CASS4: variants seen among roughly 807,000 people sequenced by gnomAD.
The protein encoded by CASS4 is cas scaffolding protein family member 4.
In CASS4, 22 loss-of-function variants were observed where a neutral mutation model predicts 54.2. The ratio of observed to expected loss-of-function variants is 0.41; its 90% CI spans 0.29 to 0.58. The LOEUF is 0.58. Among genes scored for constraint, CASS4 ranks in the 20% least tolerant of loss-of-function variants. CASS4 has a pLI of 0.36. For synonymous variants in CASS4, 409 were observed against 391.5 expected (o/e 1.04, Z -0.53); for missense variants, 854 against 986.7 (o/e 0.87, Z 1.80).
chr20:56,448,994 CTT>C (rs1980861630), intron 3 of CASS4, among the ~76,000 whole-genome samples: 2 of 152,126 alleles, frequency 1.3e-5, no homozygotes, highest in Non-Finnish European at 2.9e-5. Flanking sequence ...AATAGGAACA[CTT>C]TTACACTGTT....
chr20:56,458,035 A>C (rs1981383295), intron 5 of CASS4, among the ~76,000 whole-genome samples: 2 of 150,970 alleles, frequency 1.3e-5, no homozygotes, highest in Non-Finnish European at 3.0e-5. Flanking sequence ...AAAAAAAAAA[A>C]AGTTATAAAT....
At chr20:56,458,075 G>C (rs986507921) in intron 5 of CASS4, among the ~76,000 whole-genome samples, 8 of 150,314 alleles carry the variant, frequency 5.3e-5, no homozygotes, top group African/African-American at 1.7e-4. Context: ...TTCTTAAAAT[G>C]GGTTTCTTGT....
intron 2 of CASS4, among the ~76,000 whole-genome samples, chr20:56,445,480 A>G (rs1216666429): frequency 1.3e-5 from 2 of 152,232 alleles, no homozygotes; most frequent in African/African-American, 4.8e-5. Flanking sequence ...CAGCCTAGCT[A>G]GATGAATGTA....
chr20:56,447,490 C>G (rs543905279), intron 3 of CASS4, among the ~76,000 whole-genome samples: 1 of 152,212 alleles, frequency 6.6e-6, no homozygotes, highest in Non-Finnish European at 1.5e-5. Context: ...AAAGGTCCTG[C>G]TCACCTGGTT....
At chr20:56,434,544 C>G (rs976719506) in intron 1 of CASS4, among the ~76,000 whole-genome samples, 2 of 152,038 alleles carry the variant, frequency 1.3e-5, no homozygotes, top group Non-Finnish European at 2.9e-5. Flanking sequence ...TCAGGTGATT[C>G]TTCTGCCTCA....
At chr20:56,455,792 A>G (rs1423976149) in intron 5 of CASS4, among the ~76,000 whole-genome samples, 3 of 152,098 alleles carry the variant, frequency 2.0e-5, no homozygotes, top group East Asian at 1.9e-4. Context: ...TTAGCTGGGC[A>G]TGATAGCGGG....
chr20:56,417,599 C>T (rs1979203087), intron 1 of CASS4, among the ~76,000 whole-genome samples: 1 of 152,252 alleles, frequency 6.6e-6, no homozygotes, highest in Non-Finnish European at 1.5e-5. Flanking sequence ...AGTGCTGCAT[C>T]TCCGGTGCCT....
Position 56,458,877 on chromosome 20 carries a change from C to T in CASS4, c.*130C>T. Reference sequence around the variant, plus strand: ...GCTGAAACAGACCTGGTGCCCAAAGCTGGTAGTACCAAGTGGCTAAGCAAC... The same window carrying T: ...GCTGAAACAGACCTGGTGCCCAAAGTTGGTAGTACCAAGTGGCTAAGCAAC... On this transcript the variant is annotated 3_prime_UTR_variant, in exon 6 of 6. Transcript: ENST00000679887. 1.0e-6 allele frequency: 1 copy of T among 967,782 alleles called. No individual in the cohort carries two copies. Among genetic ancestry groups the T allele is most frequent in the Non-Finnish European group, 1.5e-6 (1 of 667,628 alleles). 59.9% of individuals were successfully genotyped at this position (967,782 alleles called of 1,614,324 possible). A position where few individuals can be genotyped will look rare whatever the true frequency, so the allele number is the denominator to read the frequency against.
intron 2 of CASS4, among the ~76,000 whole-genome samples, chr20:56,440,555 G>A (rs1224727805): frequency 6.6e-6 from 1 of 152,128 alleles, no homozygotes; most frequent in Non-Finnish European, 1.5e-5. Context: ...TACAATGACA[G>A]GCTCCTACAA....
intron 5 of CASS4, among the ~76,000 whole-genome samples, chr20:56,454,465 A>G (rs192446475): frequency 6.0e-4 from 92 of 152,358 alleles, no homozygotes; most frequent in South Asian, 3.5e-3. Context: ...GGGTCATTAT[A>G]TCAGGCCATG....
At chr20:56,424,209 A>T (rs1258142084) in intron 1 of CASS4, among the ~76,000 whole-genome samples, 1 of 152,218 alleles carries the variant, frequency 6.6e-6, no homozygotes, top group East Asian at 1.9e-4. Context: ...GATGCAGATT[A>T]TTGAAGCAAA....
chr20:56,419,868 C>T lies in CASS4; in HGVS notation c.36+7374C>T, dbSNP rs1979332483. On this transcript the variant is annotated intron_variant, in intron 1 of 5. Transcript: ENST00000679887. ...TACCAGCCTGACCAACATGGAGAAACCCCATCTCTACTAAAAACACAAAAA... is the reference window on the plus strand; with the variant it reads ...TACCAGCCTGACCAACATGGAGAAATCCCATCTCTACTAAAAACACAAAAA... 2.0e-5 allele frequency among the ~76,000 whole-genome samples: 3 copies of T among 152,068 alleles called. No homozygotes were observed. In the South Asian group the frequency reaches 6.2e-4, roughly 31 times the overall value.
intron 1 of CASS4, among the ~76,000 whole-genome samples, chr20:56,416,256 G>A (rs1979131365): frequency 6.6e-6 from 1 of 152,052 alleles, no homozygotes; most frequent in African/African-American, 2.4e-5. Context: ...CACCATATTG[G>A]CCAGGCTGGT....
chr20:56,416,531 G>A (rs933573561), intron 1 of CASS4, among the ~76,000 whole-genome samples: 26 of 60,686 alleles, frequency 4.3e-4, no homozygotes, highest in African/African-American at 8.0e-4. Context: ...TTACTTCCGT[G>A]TGTGTGTGTG....
Position 56,458,467 on chromosome 20 carries a change from TC to T in CASS4, c.2082del (p.Ser695AlafsTer53). ...GCCATCAGCGCATTTCACGGCAGCC[TC>T]AGCAGCAGCCAGCCCGCGGAGATCA... The part of the protein sequence containing the change: ...FKAISAFHGS[L>X]SSSQPAEIIT... On this transcript the variant is annotated frameshift_variant, in exon 6 of 6. Transcript: ENST00000679887. LOFTEE classifies it high-confidence loss of function. The T allele has an allele frequency of 6.2e-7, 1 of 1,614,134 alleles. No homozygotes were observed. The highest frequency in any genetic ancestry group is 1.7e-5 in the Admixed American group (1 of 60,020).
chr20:56,428,652 T>C (rs1391988105), intron 1 of CASS4, among the ~76,000 whole-genome samples: 1 of 152,236 alleles, frequency 6.6e-6, no homozygotes, highest in Non-Finnish European at 1.5e-5. Flanking sequence ...AGTTTGCTGC[T>C]TCTCCTTACA....
intron 5 of CASS4, among the ~76,000 whole-genome samples, chr20:56,457,183 C>T (rs1170170346): frequency 6.6e-6 from 1 of 152,208 alleles, no homozygotes; most frequent in Non-Finnish European, 1.5e-5. Context: ...GACATAACCC[C>T]CTTCTGAAAA....
At chr20:56,419,090 G>A (rs926616688) in intron 1 of CASS4, among the ~76,000 whole-genome samples, 4 of 152,088 alleles carry the variant, frequency 2.6e-5, no homozygotes, top group Non-Finnish European at 5.9e-5. Flanking sequence ...CACGATAATG[G>A]AATGGGGAAG....
At chr20:56,424,740 C>CAAAAAAAAAAAAAA in intron 1 of CASS4, among the ~76,000 whole-genome samples, 1 of 72,078 alleles carries the variant, frequency 1.4e-5, no homozygotes, top group Non-Finnish European at 2.8e-5. Context: ...GACTCTGTCT[C>CAAAAAAAAAAAAAA]AAAAAAAAAA....
Sources: allele counts gnomAD v4.1 joint callset (sites outside exome capture counted in the v4.1 genomes callset), GRCh38; gene constraint gnomAD v4.1.1; transcripts MANE v1.5; gene names NCBI Gene and HGNC (gene_info 2026-07-23, HGNC 2026-07-21).